The following NAV3 variants were observed in gnomAD, a reference collection of about 807,000 sequenced individuals.
NAV3 encodes the protein neuron navigator 3, also known as pore membrane and/or filament interacting like protein 1.
Under a neutral mutation model 244.7 loss-of-function variants are expected in NAV3, and 87 were observed. The observed-to-expected ratio is 0.36, with a 90% CI of 0.30 to 0.42. The LOEUF (loss-of-function observed/expected upper bound fraction) is 0.42. NAV3 is among the 20% of genes least tolerant of loss of function. NAV3 has a pLI of 1.00. For missense variants in NAV3, 2,663 were observed against 2,893.3 expected (o/e 0.92, Z 1.83); for synonymous variants, 1,126 against 1,042.2 (o/e 1.08, Z -1.55).
In NAV3 at chr12:78,119,574, T is replaced by C. The variant is rs201477420; in HGVS notation, c.3378T>C (p.His1126=). ...GSQNQDDVVL[H]VSSKTTLQYR... ...AGAATCAGGATGATGTTGTGCTGCATGTTAGCTCAAAGACTACCCTACAAT... is the reference window on the plus strand; with the variant it reads ...AGAATCAGGATGATGTTGTGCTGCACGTTAGCTCAAAGACTACCCTACAAT... The change falls in exon 15 of 40, where the codon CAT becomes CAC. Residue 1126 remains histidine (H), a synonymous_variant. Coordinates refer to ENST00000397909, the MANE Select transcript of NAV3 (RefSeq NM_001024383.2). The C allele has an allele frequency of 1.8e-5, 29 of 1,614,074 alleles. No homozygotes were observed. The highest frequency in any genetic ancestry group is 2.7e-5 in the African/African-American group (2 of 74,924).
At chr12:77,860,879 C>G (rs1268206058) in intron 1 of NAV3, among the ~76,000 whole-genome samples, 1 of 151,820 alleles carries the variant, frequency 6.6e-6, no homozygotes, top group African/African-American at 2.4e-5. Context: ...ACTTGAGGAT[C>G]AAAACTATCC....
chr12:77,878,522 C>A (rs1353712853), intron 1 of NAV3, among the ~76,000 whole-genome samples: 3 of 152,072 alleles, frequency 2.0e-5, no homozygotes, highest in South Asian at 4.2e-4. Flanking sequence ...AACCACCACA[C>A]CCAGCCAGTA....
chr12:78,059,269 TTTTG>T (rs986815981), intron 12 of NAV3, among the ~76,000 whole-genome samples, 154 bp downstream of exon 12: 23 of 152,196 alleles, frequency 1.5e-4, no homozygotes, highest in Admixed American at 6.5e-4. Flanking sequence ...TTTAGGGTTT[TTTTG>T]TTTGTTTGTT....
At chr12:77,940,160 T>TA (rs547096962) in intron 1 of NAV3, 159 bp from the exon 2 acceptor site, 8 of 608,554 alleles carry the variant, frequency 1.3e-5, no homozygotes, top group Non-Finnish European at 2.3e-5. Flanking sequence ...AAGAGCTGTT[T>TA]AAAAATTACT....
intron 2 of NAV3, among the ~76,000 whole-genome samples, chr12:77,706,426 G>A (rs1875802012): frequency 6.6e-6 from 1 of 151,300 alleles, no homozygotes; most frequent in South Asian, 2.1e-4. Flanking sequence ...ATTGCTCTAT[G>A]CCTTCAATCC....
At chr12:78,147,198 T>G (rs947046131) in intron 21 of NAV3, among the ~76,000 whole-genome samples, 1 of 152,148 alleles carries the variant, frequency 6.6e-6, no homozygotes, top group African/African-American at 2.4e-5. Context: ...TTAAACCAAT[T>G]TGTCTTTATA....
At chr12:77,889,198 A>C (rs561358508) in intron 1 of NAV3, among the ~76,000 whole-genome samples, 3 of 152,310 alleles carry the variant, frequency 2.0e-5, no homozygotes, top group Non-Finnish European at 4.4e-5. Context: ...TGCCCTCCCT[A>C]TTATTGGTGG....
chr12:77,933,851 T>C (rs1338211924), intron 1 of NAV3, among the ~76,000 whole-genome samples: 1 of 152,224 alleles, frequency 6.6e-6, no homozygotes, highest in Non-Finnish European at 1.5e-5. Context: ...AAAAATAGTA[T>C]GTATTGTGTC....
At chr12:78,116,220 G>A (rs531872877) in intron 12 of NAV3, among the ~76,000 whole-genome samples, 2 of 152,222 alleles carry the variant, frequency 1.3e-5, no homozygotes, top group Admixed American at 1.3e-4. Flanking sequence ...GGAAATGTGA[G>A]GGATGGCAGG....
chr12:78,167,385 AAAG>A lies in NAV3; in HGVS notation c.4870-1366_4870-1364del, dbSNP rs564667127. Among the ~76,000 whole-genome samples the A allele has an allele frequency of 4.3e-3, 651 of 151,938 alleles. 3 individuals are homozygous for A. The highest frequency in any genetic ancestry group is 6.5e-3 in the Non-Finnish European group (443 of 67,820). On this transcript the variant is annotated intron_variant, in intron 23 of 39. Transcript: ENST00000397909. ...CACTCATAAGCTACTAAAAGTACAT[AAAG>A]AAGGTCTGGTTGTTTGTTTTAAATG...
intron 1 of NAV3, among the ~76,000 whole-genome samples, chr12:77,876,892 CA>C (rs746854506): frequency 1.5e-4 from 23 of 152,110 alleles, no homozygotes; most frequent in East Asian, 1.4e-3. Flanking sequence ...AGCTCTCTGT[CA>C]AAATGAGTGT....
intron 12 of NAV3, among the ~76,000 whole-genome samples, chr12:78,103,580 C>T (rs1232980960): frequency 6.6e-6 from 1 of 152,146 alleles, no homozygotes; most frequent in Non-Finnish European, 1.5e-5. Flanking sequence ...TCCGTTTTCA[C>T]ACTGTTGATA....
chr12:77,606,962 C>A (rs912326049), intron 2 of NAV3, among the ~76,000 whole-genome samples: 1 of 152,058 alleles, frequency 6.6e-6, no homozygotes, highest in African/African-American at 2.4e-5. Context: ...ATGTGTTCTA[C>A]TCCTGAAAAC....
intron 18 of NAV3, among the ~76,000 whole-genome samples, chr12:78,134,612 C>T (rs1956295835): frequency 1.3e-5 from 2 of 152,096 alleles, no homozygotes. Context: ...TCCAGCCAGA[C>T]ACATTGGATC....
chr12:78,036,742 T>C, intron 9 of NAV3: 1 of 591,986 alleles, frequency 1.7e-6, no homozygotes, highest in Non-Finnish European at 3.0e-6. Flanking sequence ...CTTCTGTGAA[T>C]GTGTGAGCTT....
rs2137448658 is a variant in NAV3 at position 78,061,254 on chromosome 12, T to G, written c.2636+2139T>G. On this transcript the variant is annotated intron_variant, in intron 12 of 39. Coordinates refer to ENST00000397909, the MANE Select transcript of NAV3 (RefSeq NM_001024383.2). ...AAGTTGAACAAATAGATGCCAGGCC[T>G]ATAAATACATGTAACGCCTAGCATA... 2.0e-5 allele frequency among the ~76,000 whole-genome samples: 3 copies of G among 152,322 alleles called. No homozygotes were observed. In the South Asian group the frequency reaches 6.2e-4, roughly 32 times the overall value.
At position 78,177,200 on chromosome 12, in the gene NAV3, A is replaced by C; in HGVS notation, c.5184A>C (p.Ser1728=). The C allele has an allele frequency of 6.2e-7, 1 of 1,613,502 alleles. No individual in the cohort carries two copies. The highest frequency in any genetic ancestry group is 8.5e-7 in the Non-Finnish European group (1 of 1,179,608). Residue 1728 remains serine (S), a synonymous_variant, in exon 27 of 40, where the codon TCA becomes TCC. Transcript: ENST00000397909. ...GKKKSTKPPS[S]HSDIEELTDS... is the part of the protein sequence containing the mutation. ...AAAAGTCCACCAAGCCTCCTTCATC[A>C]CATTCTGACATTGAAGAGCTTACTG...
intron 2 of NAV3, among the ~76,000 whole-genome samples, chr12:77,598,708 A>G (rs1870285800): frequency 6.6e-6 from 1 of 151,988 alleles, no homozygotes; most frequent in Admixed American, 6.6e-5. Flanking sequence ...TGTCTGGTGT[A>G]CCTACCTGTA....
chr12:77,910,267 G>A (rs970918660), intron 1 of NAV3, among the ~76,000 whole-genome samples: 2 of 152,066 alleles, frequency 1.3e-5, no homozygotes, highest in African/African-American at 4.8e-5. Context: ...CATGGTGGAA[G>A]GTGAAGGGGG....
Sources: allele counts gnomAD v4.1 joint callset (sites outside exome capture counted in the v4.1 genomes callset), GRCh38; gene constraint gnomAD v4.1.1; transcripts MANE v1.5; gene names NCBI Gene and HGNC (gene_info 2026-07-23, HGNC 2026-07-21).